The following CTNNA2 variants were observed in gnomAD, a reference collection of about 807,000 sequenced individuals.
CTNNA2 encodes catenin alpha 2.
CTNNA2 carries 42 observed loss-of-function variants against 101.0 expected under a neutral mutation model. The observed-to-expected ratio is 0.42, with a 90% confidence interval of 0.32 to 0.54. The LOEUF (loss-of-function observed/expected upper bound fraction) is 0.54, where lower values mean the gene tolerates loss of function less well. Among genes scored for constraint, CTNNA2 ranks in the 20% least tolerant of loss-of-function variants. The pLI, the probability that CTNNA2 is intolerant of heterozygous loss-of-function variation, is 0.14. For synonymous variants in CTNNA2, 450 were observed against 456.4 expected, an observed-to-expected ratio of 0.99 and a Z score of 0.18; for missense variants, 871 against 1,223.1, an observed-to-expected ratio of 0.71 and a Z score of 4.29.
At chr2:79,635,432 C>T (rs1679962265) in intron 1 of CTNNA2, among the ~76,000 whole-genome samples, 1 of 151,414 alleles carries the variant, frequency 6.6e-6, no homozygotes, top group Admixed American at 6.6e-5. Context: ...CAGAGCTGGA[C>T]TCCGTCACAG....
chr2:80,484,301 C>A (rs575677898), intron 9 of CTNNA2, among the ~76,000 whole-genome samples: 1 of 152,202 alleles, frequency 6.6e-6, no homozygotes, highest in South Asian at 2.1e-4. Flanking sequence ...AGATGTTCCA[C>A]AAAGAGCAGT....
intron 7 of CTNNA2, among the ~76,000 whole-genome samples, chr2:80,131,275 TCTCGAACTCCTGGC>T (rs139459393): frequency 3.9e-4 from 59 of 152,214 alleles, no homozygotes; most frequent in Non-Finnish European, 7.2e-4. Flanking sequence ...GCCAGGCTGG[TCTCGAACTCCTGGC>T]CTCAAGTGAT....
chr2:80,214,027 G>T (rs2149041151), intron 7 of CTNNA2, among the ~76,000 whole-genome samples: 1 of 152,184 alleles, frequency 6.6e-6, no homozygotes, highest in Non-Finnish European at 1.5e-5. Context: ...TCAGAGACTA[G>T]GATTGCAACC....
intron 4 of CTNNA2, among the ~76,000 whole-genome samples, chr2:79,416,824 C>G (rs572384952): frequency 3.9e-5 from 6 of 152,138 alleles, no homozygotes; most frequent in African/African-American, 1.4e-4. Context: ...TCCTCTTTAT[C>G]CCACAGAAGT....
chr2:79,870,031 T>C, intron 5 of CTNNA2, 96 bp downstream of exon 5: 1 of 1,458,352 alleles, frequency 6.9e-7, no homozygotes, highest in Non-Finnish European at 9.3e-7. Context: ...CTGCATCTGC[T>C]TGCTATCAAA....
chr2:79,766,087 CTGTGTTTCTT>C (rs909778885), intron 3 of CTNNA2, among the ~76,000 whole-genome samples: 3 of 152,150 alleles, frequency 2.0e-5, no homozygotes, highest in African/African-American at 7.2e-5. Context: ...TTATAATATT[CTGTGTTTCTT>C]TGTGTACTTA....
chr2:80,282,463 C>T (rs1674457025), intron 7 of CTNNA2, among the ~76,000 whole-genome samples: 1 of 152,022 alleles, frequency 6.6e-6, no homozygotes, highest in Non-Finnish European at 1.5e-5. Context: ...ATTTACTTCT[C>T]ATGGTGTGAA....
chr2:80,180,759 C>A (rs1314377220), intron 7 of CTNNA2, among the ~76,000 whole-genome samples: 3 of 152,172 alleles, frequency 2.0e-5, no homozygotes, highest in Non-Finnish European at 2.9e-5. Context: ...TCGTCTATCC[C>A]AACATCCCAA....
At chr2:80,024,204 G>A (rs1427046727) in intron 7 of CTNNA2, among the ~76,000 whole-genome samples, 1 of 151,812 alleles carries the variant, frequency 6.6e-6, no homozygotes, top group Non-Finnish European at 1.5e-5. Context: ...CATTTAATAT[G>A]TAGTGATTGT....
chr2:80,283,141 C>T (rs2149163709), intron 7 of CTNNA2, among the ~76,000 whole-genome samples: 1 of 152,034 alleles, frequency 6.6e-6, no homozygotes, highest in South Asian at 2.1e-4. Flanking sequence ...TAGTTTTAAT[C>T]ATCAAATAAA....
At chr2:79,593,571 G>A (rs1206882582) in intron 1 of CTNNA2, among the ~76,000 whole-genome samples, 1 of 152,018 alleles carries the variant, frequency 6.6e-6, no homozygotes, top group Non-Finnish European at 1.5e-5. Context: ...CCTCTAGGCT[G>A]GTCAATTCCT....
chr2:79,246,975 C>T (rs1384098878), intron 2 of CTNNA2, among the ~76,000 whole-genome samples: 4 of 152,190 alleles, frequency 2.6e-5, no homozygotes, highest in African/African-American at 9.6e-5. Context: ...GGCTCATGGC[C>T]TTTGGTTTGC....
At chr2:79,442,131 T>C (rs1678784598) in intron 4 of CTNNA2, among the ~76,000 whole-genome samples, 1 of 152,208 alleles carries the variant, frequency 6.6e-6, no homozygotes, top group African/African-American at 2.4e-5. Flanking sequence ...GACATTTATA[T>C]ATGCTCCAGA....
In CTNNA2 at chr2:80,256,509, TTG is replaced by T. The variant is rs199643531; in HGVS notation, c.1057-136700_1057-136699del. 3.4e-3 allele frequency among the ~76,000 whole-genome samples: 512 copies of T among 152,248 alleles called. 10 individuals carry two copies. Among genetic ancestry groups the T allele is most frequent in the East Asian group, 0.021 (106 of 5,170 alleles). On this transcript the variant is annotated intron_variant, in intron 7 of 18. Transcript: ENST00000402739. The stretch of plus-strand genomic sequence containing the variant: ...ATCCTTCTAGAAATCCTTTGGAACT[TTG>T]TTGCTAACTCATTTGTTGCACCATC...
chr2:79,526,816 T>A (rs1672432832), intron 1 of CTNNA2, among the ~76,000 whole-genome samples: 1 of 152,098 alleles, frequency 6.6e-6, no homozygotes, highest in Non-Finnish European at 1.5e-5. Context: ...TCCTCCCATA[T>A]ACAAAAATTA....
At chr2:79,376,566 T>C (rs559829884) in intron 4 of CTNNA2, among the ~76,000 whole-genome samples, 1 of 152,158 alleles carries the variant, frequency 6.6e-6, no homozygotes, top group African/African-American at 2.4e-5. Flanking sequence ...ACATGTGCCA[T>C]GTTGGTGTGC....
chr2:79,785,960 C>T (rs928591901), intron 3 of CTNNA2, among the ~76,000 whole-genome samples: 1 of 152,106 alleles, frequency 6.6e-6, no homozygotes, highest in African/African-American at 2.4e-5. Flanking sequence ...AAAGGGAAAA[C>T]TCAGCTAAAT....
intron 3 of CTNNA2, among the ~76,000 whole-genome samples, chr2:79,831,464 T>A (rs1678920486): frequency 6.6e-6 from 1 of 152,166 alleles, no homozygotes; most frequent in Non-Finnish European, 1.5e-5. Context: ...TACTTTTTTT[T>A]TAATGTTCTT....
At chr2:79,874,761 T>G (rs1183096897) in intron 6 of CTNNA2, among the ~76,000 whole-genome samples, 1 of 152,066 alleles carries the variant, frequency 6.6e-6, no homozygotes, top group African/African-American at 2.4e-5. Flanking sequence ...TGAGCCGAGA[T>G]CGTGCCATTG....
Sources: gnomAD v4.1 joint callset for allele counts (sites outside exome capture counted in the v4.1 genomes callset) on GRCh38, gnomAD v4.1.1 for gene constraint, MANE v1.5 for transcripts, NCBI Gene and HGNC (gene_info 2026-07-23, HGNC 2026-07-21) for gene names.